SAFB: variants seen among roughly 807,000 people sequenced by gnomAD.
SAFB encodes scaffold attachment factor B1.
SAFB carries 15 observed loss-of-function variants against 101.6 expected under a neutral mutation model. That is an observed-to-expected ratio of 0.15 (90% CI 0.10 to 0.23). The LOEUF is 0.23. Ranked by LOEUF, SAFB falls within the 10% of genes least tolerant of loss-of-function variation. SAFB has a pLI of 1.00. For missense variants in SAFB, 930 were observed against 1,104.1 expected (o/e 0.84, Z 2.23); for synonymous variants, 449 against 407.5 (o/e 1.10, Z -1.23).
rs1404610960 is a variant in SAFB at position 5,651,000 on chromosome 19, T to C, written c.1221T>C (p.Asn407=). ...EEKGRSSCGR[N]FWVSGLSSTT... ...TAGGTCGCAGCAGTTGTGGTAGAAA[T>C]TTCTGGGTTAGTGGACTCTCTTCTA... Residue 407 remains asparagine (N), a synonymous_variant, in exon 9 of 21, where the codon AAT becomes AAC. Transcript: ENST00000588852. The C allele has an allele frequency of 1.9e-6, 3 of 1,605,594 alleles. No individual in the cohort carries two copies. Among genetic ancestry groups the C allele is most frequent in the Non-Finnish European group, 2.6e-6 (3 of 1,175,646 alleles).
intron 13 of SAFB, among the ~76,000 whole-genome samples, chr19:5,655,743 A>G (rs2054044941): frequency 6.6e-6 from 1 of 152,322 alleles, no homozygotes; most frequent in African/African-American, 2.4e-5. Context: ...AATATGTCAT[A>G]GCCTTTTACC....
chr19:5,658,713 G>A (rs990189459), intron 14 of SAFB, among the ~76,000 whole-genome samples: 7 of 151,920 alleles, frequency 4.6e-5, no homozygotes, highest in African/African-American at 1.7e-4. Context: ...CGTGGTGGCG[G>A]GCGCCTGTAG....
Position 5,664,404 on chromosome 19 carries a change from G to T in SAFB, c.2299G>T (p.Gly767Cys), listed in dbSNP as rs2054284090. The change falls in exon 17 of 21, where the codon GGT becomes TGT. Residue 767 changes from glycine to cysteine, a missense_variant. This residue lies in a region of SAFB where 318 missense variants were observed against 342.6 expected (regional missense o/e 0.93). Coordinates refer to ENST00000588852, the MANE Select transcript of SAFB (RefSeq NM_001201338.2). ...TTTAAATTGCCTTTTCAGGAGAGAA[G>T]GTTCAAGGTCAATGATGGGAGAACG... ...YPDHSVDRRE[G>C]SRSMMGEREG... The T allele has an allele frequency of 6.2e-7, 1 of 1,613,492 alleles. No individual in the cohort carries two copies. Among genetic ancestry groups the T allele is most frequent in the African/African-American group, 1.3e-5 (1 of 75,028 alleles).
At chr19:5,660,267 A>G (rs751162739) in intron 14 of SAFB, among the ~76,000 whole-genome samples, 2 of 151,036 alleles carry the variant, frequency 1.3e-5, no homozygotes, top group Non-Finnish European at 2.9e-5. Flanking sequence ...CTTCTAATAC[A>G]ATGAAAATGC....
chr19:5,657,073 T>A (rs1395275585), intron 13 of SAFB, among the ~76,000 whole-genome samples, 168 bp from the exon 14 acceptor site: 1 of 151,920 alleles, frequency 6.6e-6, no homozygotes, highest in Non-Finnish European at 1.5e-5. Context: ...GCCCGGCAAT[T>A]TTTATATTTT....
intron 2 of SAFB, among the ~76,000 whole-genome samples, chr19:5,630,996 A>T (rs1317163097): frequency 6.6e-6 from 1 of 151,990 alleles, no homozygotes; most frequent in Non-Finnish European, 1.5e-5. Context: ...GTTCGAGACC[A>T]GCCTGGCCAA....
chr19:5,661,352 C>A, intron 14 of SAFB, 166 bp from the exon 15 acceptor site: 1 of 1,251,742 alleles, frequency 8.0e-7, no homozygotes, highest in Non-Finnish European at 1.1e-6. Flanking sequence ...CTGGGCTGCT[C>A]CTGTGGGCCC....
intron 6 of SAFB, chr19:5,648,554 G>C (rs1284867480): frequency 3.0e-6 from 1 of 332,352 alleles, no homozygotes; most frequent in Non-Finnish European, 5.7e-6. Flanking sequence ...AAATATCTCA[G>C]AGCACGGATG....
At position 5,653,322 on chromosome 19, in the gene SAFB, T is replaced by C; in HGVS notation, c.1444-16T>C. 1 of 1,614,124 alleles carries C rather than the reference T, an allele frequency of 6.2e-7. No individual in the cohort carries two copies. Among genetic ancestry groups the C allele is most frequent in the Non-Finnish European group, 8.5e-7 (1 of 1,179,990 alleles). On this transcript the variant is annotated splice_polypyrimidine_tract_variant and intron_variant, in intron 10 of 20. Coordinates refer to ENST00000588852, the MANE Select transcript of SAFB (RefSeq NM_001201338.2). ...CACATTAGGAAATGGGGGTAATACT[T>C]GATTCTCTTTTTCAGGCCAAAAATG...
In SAFB at chr19:5,668,310, C is replaced by G. The variant is rs373307173; in HGVS notation, c.*19C>G. Reference sequence around the variant, plus strand: ...CTACTGAGTACTTGGAATCCTGTGTCCTGTCTCGTGGCAACAAGGCTATGT... The same window carrying G: ...CTACTGAGTACTTGGAATCCTGTGTGCTGTCTCGTGGCAACAAGGCTATGT... On this transcript the variant is annotated 3_prime_UTR_variant, in exon 21 of 21. Transcript: ENST00000588852. 2 of 1,606,036 alleles carry G rather than the reference C, an allele frequency of 1.2e-6. No homozygotes were observed. The highest frequency in any genetic ancestry group is 2.2e-5 in the East Asian group (1 of 44,606).
At position 5,623,363 on chromosome 19, in the gene SAFB, A is replaced by G. The variant is rs779942953; in HGVS notation, c.158A>G (p.Asn53Ser). 1 of 1,613,932 alleles carries G rather than the reference A, an allele frequency of 6.2e-7. No homozygotes were observed. Among genetic ancestry groups the G allele is most frequent in the East Asian group, 2.2e-5 (1 of 44,852 alleles). ...AAACGGAATGTGGACTCGAGCGGCA[A>G]CAAGAGCGTTTTGATGGAGCGGCTG... is the stretch of plus-strand genomic sequence containing the variant. Reference protein sequence around the residue: ...LRKRNVDSSGNKSVLMERLKK... With the variant: ...LRKRNVDSSGSKSVLMERLKK... Residue 53 changes from asparagine (N) to serine (S), a missense_variant, in exon 1 of 21, where the codon AAC becomes AGC. Physicochemically the swap from Asn to Ser is conservative, Grantham distance 46. This residue lies in a region of SAFB where 119 missense variants were observed against 171.4 expected (regional missense o/e 0.69). Transcript: ENST00000588852.
chr19:5,660,133 G>C (rs1599378962), intron 14 of SAFB, among the ~76,000 whole-genome samples: 2 of 152,188 alleles, frequency 1.3e-5, no homozygotes, highest in East Asian at 3.9e-4. Context: ...AGAAACGACT[G>C]GCCTCAGTAC....
At chr19:5,628,245 T>TCCCCCTAAAAAAAAGAATCAGCTG (rs2053412071) in intron 2 of SAFB, among the ~76,000 whole-genome samples, 1 of 151,958 alleles carries the variant, frequency 6.6e-6, no homozygotes, top group African/African-American at 2.4e-5. Context: ...CAAGACTCCA[T>TCCCCCTAAAAAAAAGAATCAGCTG]CCCCCTAAAA....
At chr19:5,643,879 C>T (rs1275288156) in intron 4 of SAFB, among the ~76,000 whole-genome samples, 1 of 150,706 alleles carries the variant, frequency 6.6e-6, no homozygotes, top group Non-Finnish European at 1.5e-5. Flanking sequence ...AAAAAGAGTT[C>T]AGAGGTAGAT....
chr19:5,628,343 AGGGTTTCATTTTTT>A (rs1308716864), intron 2 of SAFB, among the ~76,000 whole-genome samples: 1 of 152,198 alleles, frequency 6.6e-6, no homozygotes, highest in East Asian at 1.9e-4. Flanking sequence ...TGGGACCAGA[AGGGTTTCATTTTTT>A]GGATTTTGTG....
At chr19:5,642,456 T>A (rs994069139) in intron 4 of SAFB, among the ~76,000 whole-genome samples, 1 of 140,892 alleles carries the variant, frequency 7.1e-6, no homozygotes, top group Non-Finnish European at 1.6e-5. Context: ...ATCTCTTGTT[T>A]AAAACAAACA....
At chr19:5,650,448 G>A (rs1404082803) in intron 8 of SAFB, among the ~76,000 whole-genome samples, 1 of 152,144 alleles carries the variant, frequency 6.6e-6, no homozygotes, top group Non-Finnish European at 1.5e-5. Context: ...GTCTTGTTCT[G>A]TTGCCCAGGC....
At chr19:5,662,710 T>A (rs2054242464) in intron 15 of SAFB, among the ~76,000 whole-genome samples, 5 of 146,862 alleles carry the variant, frequency 3.4e-5, no homozygotes, top group East Asian at 4.3e-4. Context: ...GCGCGATCGC[T>A]GCTCACTGCA....
chr19:5,660,388 T>C (rs1209283954), intron 14 of SAFB, among the ~76,000 whole-genome samples: 1 of 138,800 alleles, frequency 7.2e-6, no homozygotes, highest in Non-Finnish European at 1.5e-5. Flanking sequence ...GGTCTCACTC[T>C]TTCACCCAGG....
Sources: gnomAD v4.1 joint callset for allele counts (sites outside exome capture counted in the v4.1 genomes callset) on GRCh38, gnomAD v4.1.1 for gene constraint, gnomAD v4.1.1 regional missense constraint, MANE v1.5 for transcripts, NCBI Gene and HGNC (gene_info 2026-07-23, HGNC 2026-07-21) for gene names.